AFF3: variants seen among roughly 807,000 people sequenced by gnomAD.
The protein encoded by AFF3 is AF4/FMR2 family member 3.
A neutral mutation model predicts 129.7 loss-of-function variants in AFF3; 32 were observed. That is an observed-to-expected ratio of 0.25 (90% CI 0.19 to 0.33). AFF3 has a LOEUF of 0.33. Ranked by LOEUF, AFF3 falls within the 10% of genes least tolerant of loss-of-function variation. The pLI is 1.00. For synonymous variants in AFF3, 644 were observed against 635.4 expected (o/e 1.01, Z -0.20); for missense variants, 1,373 against 1,592.0 (o/e 0.86, Z 2.34).
intron 8 of AFF3, among the ~76,000 whole-genome samples, chr2:99,763,845 G>A (rs1429273921): frequency 6.6e-6 from 1 of 152,230 alleles, no homozygotes; most frequent in Non-Finnish European, 1.5e-5. Context: ...ACAGGCCTGA[G>A]AAGGGGATTC....
chr2:100,137,501 C>A (rs13019618), intron 1 of AFF3, among the ~76,000 whole-genome samples: 34,092 of 152,016 alleles, frequency 0.22, 4,224 homozygotes, highest in East Asian at 0.5. Context: ...GTTATGTGTG[C>A]CTGGTGCGTG....
intron 11 of AFF3, among the ~76,000 whole-genome samples, chr2:99,687,807 T>C (rs998804474): frequency 2.0e-5 from 3 of 152,218 alleles, no homozygotes; most frequent in Non-Finnish European, 2.9e-5. Flanking sequence ...CACAGCAGAA[T>C]GATACCTTTG....
intron 4 of AFF3, among the ~76,000 whole-genome samples, chr2:100,071,649 T>C (rs755449369): frequency 6.6e-6 from 1 of 152,202 alleles, no homozygotes; most frequent in Non-Finnish European, 1.5e-5. Context: ...TTTTAAAGGT[T>C]AGCACCTTTA....
chr2:99,903,359 A>G (rs1694486203), intron 7 of AFF3, among the ~76,000 whole-genome samples: 1 of 152,192 alleles, frequency 6.6e-6, no homozygotes, highest in African/African-American at 2.4e-5. Flanking sequence ...TGGCAACAGT[A>G]AACACTCTAT....
intron 4 of AFF3, among the ~76,000 whole-genome samples, chr2:100,075,654 C>T (rs1474440757): frequency 6.6e-6 from 1 of 152,134 alleles, no homozygotes; most frequent in African/African-American, 2.4e-5. Context: ...ATGGAAATTT[C>T]ACTATAATTA....
intron 7 of AFF3, among the ~76,000 whole-genome samples, chr2:99,932,191 T>C (rs1355347573): frequency 1.3e-5 from 2 of 152,102 alleles, no homozygotes; most frequent in African/African-American, 4.8e-5. Flanking sequence ...TCTTAAAACA[T>C]TATGAGATTT....
chr2:99,879,240 A>G (rs945930378), intron 7 of AFF3, among the ~76,000 whole-genome samples: 1 of 152,240 alleles, frequency 6.6e-6, no homozygotes, highest in African/African-American at 2.4e-5. Context: ...TGAGTTCTGC[A>G]GATTCATGGA....
intron 4 of AFF3, among the ~76,000 whole-genome samples, chr2:100,081,501 A>G (rs534864489): frequency 1.3e-5 from 2 of 152,048 alleles, no homozygotes; most frequent in Non-Finnish European, 2.9e-5. Flanking sequence ...CCTTCTGTTG[A>G]GCCTCCACCC....
intron 7 of AFF3, among the ~76,000 whole-genome samples, chr2:99,915,652 TC>T (rs1430670243): frequency 6.6e-6 from 1 of 152,174 alleles, no homozygotes; most frequent in Non-Finnish European, 1.5e-5. Context: ...AATTAATTAA[TC>T]CCACATTTTC....
intron 4 of AFF3, among the ~76,000 whole-genome samples, chr2:100,024,468 C>T (rs1187561351): frequency 6.6e-6 from 1 of 150,980 alleles, no homozygotes; most frequent in Non-Finnish European, 1.5e-5. Context: ...ATTAGCCGGG[C>T]ATGGTGGCGA....
intron 10 of AFF3, among the ~76,000 whole-genome samples, chr2:99,738,863 G>A (rs1680471280): frequency 1.3e-5 from 2 of 151,986 alleles, no homozygotes; most frequent in South Asian, 2.1e-4. Flanking sequence ...CTGTACTTTA[G>A]GTGTATAGAA....
chr2:99,557,343 C>T (rs1252080948), intron 22 of AFF3, among the ~76,000 whole-genome samples: 1 of 150,592 alleles, frequency 6.6e-6, no homozygotes, highest in Non-Finnish European at 1.5e-5. Flanking sequence ...GCAGTGGCGC[C>T]ATCTCTGCTC....
At chr2:99,837,736 A>G (rs981317709) in intron 7 of AFF3, among the ~76,000 whole-genome samples, 1 of 151,882 alleles carries the variant, frequency 6.6e-6, no homozygotes, top group Non-Finnish European at 1.5e-5. Context: ...CTGGAGCACC[A>G]CACACGCACC....
intron 7 of AFF3, among the ~76,000 whole-genome samples, chr2:99,999,042 C>T (rs568164071): frequency 1.3e-5 from 2 of 152,206 alleles, no homozygotes; most frequent in African/African-American, 2.4e-5. Flanking sequence ...TGGGAGCACA[C>T]GCACAGCACA....
At chr2:99,898,375 G>A (rs947094393) in intron 7 of AFF3, among the ~76,000 whole-genome samples, 3 of 152,150 alleles carry the variant, frequency 2.0e-5, no homozygotes. Context: ...CTGAGGCACC[G>A]AGAGAGAGTG....
In AFF3 at chr2:99,547,735, T is replaced by C. The variant is rs968185499; in HGVS notation, c.*3739A>G. 1.9e-5 allele frequency: 4 copies of C among 208,434 alleles called. No individual in the cohort carries two copies. The highest frequency in any genetic ancestry group is 9.1e-5 in the African/African-American group (4 of 43,990). The allele number at this position is 208,434 out of a possible 1,614,324, so 12.9% of individuals were successfully genotyped here. On this transcript the variant is annotated 3_prime_UTR_variant, in exon 25 of 25. Coordinates refer to ENST00000672756, the MANE Select transcript of AFF3 (RefSeq NM_001386135.1). The stretch of plus-strand genomic sequence containing the variant: ...ATCCTTCAGGCGTACTACAGTTTTA[T>C]GTTAGCTGTATTGTACATATATATT...
intron 2 of AFF3, among the ~76,000 whole-genome samples, chr2:100,120,552 G>T (rs903918339): frequency 6.8e-6 from 1 of 146,804 alleles, no homozygotes; most frequent in Non-Finnish European, 1.5e-5. Context: ...AACAGTTTTG[G>T]TTATTACATA....
chr2:99,850,293 G>A (rs1006658412), intron 7 of AFF3, among the ~76,000 whole-genome samples: 4 of 152,124 alleles, frequency 2.6e-5, no homozygotes, highest in Admixed American at 6.6e-5. Flanking sequence ...TACCTTTGTC[G>A]CTAAGCTGAA....
chr2:100,134,301 T>A (rs1195328541), intron 1 of AFF3, among the ~76,000 whole-genome samples: 1 of 152,240 alleles, frequency 6.6e-6, no homozygotes, highest in African/African-American at 2.4e-5. Flanking sequence ...TTCATCAATA[T>A]TATTGTATTT....
Sources: gnomAD v4.1 joint callset for allele counts (sites outside exome capture counted in the v4.1 genomes callset) on GRCh38, gnomAD v4.1.1 for gene constraint, MANE v1.5 for transcripts, NCBI Gene and HGNC (gene_info 2026-07-23, HGNC 2026-07-21) for gene names.